PPP1R21: variants seen among roughly 807,000 people sequenced by gnomAD.
PPP1R21 encodes KLRAQ motif containing 1.
PPP1R21 carries 85 observed loss-of-function variants against 112.8 expected under a neutral mutation model. The observed-to-expected ratio is 0.75, with a 90% CI of 0.63 to 0.90. PPP1R21 has a LOEUF of 0.90. Among genes scored for constraint, PPP1R21 ranks in the 40% least tolerant of loss-of-function variants. The pLI is 0.00. For synonymous variants in PPP1R21, 381 were observed against 322.3 expected (o/e 1.18, Z -1.95); for missense variants, 1,199 against 901.5 (o/e 1.33, Z -4.23).
At chr2:48,445,916 A>G (rs1299138056) in intron 1 of PPP1R21, among the ~76,000 whole-genome samples, 1 of 152,208 alleles carries the variant, frequency 6.6e-6, no homozygotes, top group Non-Finnish European at 1.5e-5. Flanking sequence ...TTAGAACTGG[A>G]AGGAGTTTTA....
chr2:48,445,406 ACT>A (rs1667204844), intron 1 of PPP1R21, among the ~76,000 whole-genome samples: 1 of 152,072 alleles, frequency 6.6e-6, no homozygotes, highest in Non-Finnish European at 1.5e-5. Context: ...GCTATTGAGT[ACT>A]CTGTTGGACA....
At chr2:48,511,163 A>G (rs963417028) in intron 20 of PPP1R21, among the ~76,000 whole-genome samples, 177 bp from the exon 21 acceptor site, 4 of 152,224 alleles carry the variant, frequency 2.6e-5, no homozygotes, top group Non-Finnish European at 5.9e-5. Flanking sequence ...CACCTCAAAC[A>G]TTTATCTTTG....
At chr2:48,482,398 C>T (rs1018806332) in intron 13 of PPP1R21, among the ~76,000 whole-genome samples, 1 of 152,074 alleles carries the variant, frequency 6.6e-6, no homozygotes, top group African/African-American at 2.4e-5. Context: ...AGTACTGCAA[C>T]CTCCCAGACC....
rs760497885 is a variant in PPP1R21 at position 48,507,335 on chromosome 2, A to G, written c.2035A>G (p.Thr679Ala). ...NHYMARIVEL[T>A]SQLQLADSKS... ...CTACATGGCAAGGATAGTGGAACTTACGTCTCAGTTGCAGCTGGCTGACAG... is the reference window on the plus strand; with the variant it reads ...CTACATGGCAAGGATAGTGGAACTTGCGTCTCAGTTGCAGCTGGCTGACAG... The change falls in exon 19 of 22, where the codon ACG (threonine) becomes GCG (alanine). Residue 679 changes from threonine (T) to alanine (A), a missense_variant. Coordinates refer to ENST00000294952, the MANE Select transcript of PPP1R21 (RefSeq NM_001135629.3). 4 of 1,595,782 alleles carry G rather than the reference A, an allele frequency of 2.5e-6. No individual in the cohort carries two copies. The highest frequency in any genetic ancestry group is 3.4e-6 in the Non-Finnish European group (4 of 1,174,236).
At chr2:48,505,511 G>T in intron 17 of PPP1R21, 53 bp from the exon 18 acceptor site, 7 of 1,324,972 alleles carry the variant, frequency 5.3e-6, no homozygotes, top group Non-Finnish European at 7.4e-6. Flanking sequence ...TTGATCTATT[G>T]TGCTTGAAAT....
intron 13 of PPP1R21, among the ~76,000 whole-genome samples, chr2:48,484,514 CTTTTTT>C (rs56150780): frequency 8.1e-6 from 1 of 122,978 alleles, no homozygotes; most frequent in African/African-American, 3.1e-5. Flanking sequence ...AAAGAATAAA[CTTTTTT>C]TTTTTTTTTT....
At position 48,498,523 on chromosome 2, in the gene PPP1R21, C is replaced by T. The variant is rs375966243; in HGVS notation, c.1723C>T (p.Leu575=). The T allele has an allele frequency of 1.8e-5, 29 of 1,613,954 alleles. No homozygotes were observed. The highest frequency in any genetic ancestry group is 5.0e-5 in the Admixed American group (3 of 59,992). ...VQQSLEKISK[L]EQEKEHWMLE... is the part of the protein sequence containing the mutation. ...ACAGAGTTTGGAAAAGATTTCTAAA[C>T]TGGAGCAGGAAAAAGAACATTGGAT... is the stretch of plus-strand genomic sequence containing the variant. Residue 575 remains leucine (L), a synonymous_variant, in exon 17 of 22, where the codon CTG becomes TTG. Transcript: ENST00000294952.
intron 9 of PPP1R21, among the ~76,000 whole-genome samples, chr2:48,469,928 A>G (rs1021855654): frequency 2.0e-5 from 3 of 152,112 alleles, no homozygotes; most frequent in South Asian, 2.1e-4. Flanking sequence ...GCATTATATT[A>G]TACAGCTCTA....
At chr2:48,466,525 C>T (rs1457509264) in intron 9 of PPP1R21, among the ~76,000 whole-genome samples, 1 of 152,026 alleles carries the variant, frequency 6.6e-6, no homozygotes, top group Non-Finnish European at 1.5e-5. Flanking sequence ...CTGTGCCTGG[C>T]CCTTGGGGAG....
rs1558506300 is a variant in PPP1R21 at position 48,495,880 on chromosome 2, A to T, written c.1692+109A>T. On this transcript the variant is annotated intron_variant, in intron 16 of 21. Transcript: ENST00000294952. ...GATTCAAAAGTCTGCATAAATAAAC[A>T]TGTGAAATGAATTGTTTAATACATA... is the stretch of plus-strand genomic sequence containing the variant. 5 of 673,074 alleles carry T rather than the reference A, an allele frequency of 7.4e-6. No homozygotes were observed. In the East Asian group the frequency reaches 1.3e-4, roughly 18 times the overall value. The allele number at this position is 673,074 out of a possible 1,614,324, so 41.7% of individuals were successfully genotyped here.
rs113981174 is a variant in PPP1R21, at chr2:48,513,371, A to ATT, written c.2314-1331_2314-1330dup. On this transcript the variant is annotated intron_variant, in intron 21 of 21. Transcript: ENST00000294952. ...AGGCATGCACCACCATGCCCGGCTAATTTTTTTTTTTTTTGTATTTTTGCA... is the reference window on the plus strand; with the variant it reads ...AGGCATGCACCACCATGCCCGGCTAATTTTTTTTTTTTTTTTGTATTTTTGCA... Among the ~76,000 whole-genome samples, 611 of 144,596 alleles carry ATT rather than the reference A, an allele frequency of 4.2e-3. 2 individuals are homozygous for ATT. Among genetic ancestry groups the ATT allele is most frequent in the African/African-American group, 0.014 (566 of 39,282 alleles). The allele number at this position is 144,596 out of a possible 152,430, so 94.9% of individuals were successfully genotyped here.
chr2:48,450,197 TAGC>T (rs1667413950), intron 1 of PPP1R21, among the ~76,000 whole-genome samples: 1 of 152,214 alleles, frequency 6.6e-6, no homozygotes, highest in African/African-American at 2.4e-5. Context: ...CTTTGTGAAA[TAGC>T]AGCCAGTATT....
intron 17 of PPP1R21, 131 bp from the exon 18 acceptor site, chr2:48,505,433 C>G: frequency 1.4e-6 from 1 of 702,152 alleles, no homozygotes; most frequent in Admixed American, 2.4e-5. Flanking sequence ...AAAGACAGTC[C>G]AAGGATGATC....
At chr2:48,508,231 G>A (rs74502448) in intron 19 of PPP1R21, among the ~76,000 whole-genome samples, 2 of 152,170 alleles carry the variant, frequency 1.3e-5, no homozygotes, top group African/African-American at 4.8e-5. Context: ...CAACATAAAA[G>A]AATGCCTTCA....
In PPP1R21 at chr2:48,514,763, G is replaced by C. The variant is rs755421846; in HGVS notation, c.*19G>C. On this transcript the variant is annotated 3_prime_UTR_variant, in exon 22 of 22. Coordinates refer to ENST00000294952, the MANE Select transcript of PPP1R21 (RefSeq NM_001135629.3). ...TCGATAGTTTTGAAATAGCTGGTTG[G>C]CGACTGTTCTTTCCAGACCTGCTCC... 6.2e-7 allele frequency: 1 copy of C among 1,612,920 alleles called. No homozygotes were observed. Among genetic ancestry groups the C allele is most frequent in the Non-Finnish European group, 8.5e-7 (1 of 1,179,650 alleles).
chr2:48,486,983 C>T (rs1368104724), intron 14 of PPP1R21, among the ~76,000 whole-genome samples: 1 of 152,184 alleles, frequency 6.6e-6, no homozygotes, highest in African/African-American at 2.4e-5. Context: ...AACTCCTGGA[C>T]TCAGGGGAGT....
intron 16 of PPP1R21, among the ~76,000 whole-genome samples, chr2:48,497,928 G>A (rs146160966): frequency 6.6e-6 from 1 of 151,960 alleles, no homozygotes; most frequent in East Asian, 1.9e-4. Context: ...TGGGATTACA[G>A]TCATGAGCCA....
At chr2:48,488,616 T>A (rs1226415834) in intron 14 of PPP1R21, among the ~76,000 whole-genome samples, 1 of 152,136 alleles carries the variant, frequency 6.6e-6, no homozygotes, top group Non-Finnish European at 1.5e-5. Context: ...TCTGAAATAA[T>A]TAAATACTTG....
chr2:48,474,718 C>A lies in PPP1R21; in HGVS notation c.1124C>A (p.Ser375Tyr). The A allele has an allele frequency of 6.2e-7, 1 of 1,612,272 alleles. No homozygotes were observed. The highest frequency in any genetic ancestry group is 1.1e-5 in the South Asian group (1 of 90,686). The change falls in exon 12 of 22, where the codon TCT (serine) becomes TAT (tyrosine). Residue 375 changes from serine to tyrosine, a missense_variant. Transcript: ENST00000294952. ...EEECESSLCTSALRARNLELS... is the reference protein window; with the variant it reads ...EEECESSLCTYALRARNLELS... ...GAATGTGAATCCTCTCTTTGCACAT[C>A]TGCGTTAAGAGCCAGGAATCTAGAG...
Sources: gnomAD v4.1 joint callset for allele counts (sites outside exome capture counted in the v4.1 genomes callset) on GRCh38, gnomAD v4.1.1 for gene constraint, MANE v1.5 for transcripts, NCBI Gene and HGNC (gene_info 2026-07-23, HGNC 2026-07-21) for gene names.